The following DENND1C variants were observed in gnomAD, a reference collection of about 807,000 sequenced individuals.
The protein encoded by DENND1C is DENN domain-containing protein 1C.
Under a neutral mutation model 87.9 loss-of-function variants are expected in DENND1C, and 64 were observed. That is an observed-to-expected ratio of 0.73 (90% CI 0.60 to 0.90). The LOEUF (loss-of-function observed/expected upper bound fraction) is 0.90, where lower values mean the gene tolerates loss of function less well. Among genes scored for constraint, DENND1C ranks in the 40% least tolerant of loss-of-function variants. The pLI is 0.00. For synonymous variants in DENND1C, 384 were observed against 424.4 expected, an observed-to-expected ratio of 0.90 and a Z score of 1.17; for missense variants, 980 against 1,037.0, an observed-to-expected ratio of 0.95 and a Z score of 0.76.
intron 4 of DENND1C, 33 bp from the exon 5 acceptor site, chr19:6,479,089 A>G: frequency 6.2e-7 from 1 of 1,612,840 alleles, no homozygotes; most frequent in East Asian, 2.2e-5. Flanking sequence ...AGAGACCTGG[A>G]CATCCCAGCT....
chr19:6,471,395 T>C lies in DENND1C; in HGVS notation c.1249+11A>G. 4 of 1,584,928 alleles carry C rather than the reference T, an allele frequency of 2.5e-6. No individual in the cohort carries two copies. The highest frequency in any genetic ancestry group is 3.4e-6 in the Non-Finnish European group (4 of 1,165,810). ...GTAGTGGGGGACCCAGGGGCTGGAC[T>C]CAGGGCTCACCTGAGGAGGCCCCGC... On this transcript the variant is annotated intron_variant, in intron 16 of 22. Transcript: ENST00000381480.
intron 3 of DENND1C, 58 bp downstream of exon 3, chr19:6,479,801 C>A: frequency 1.2e-6 from 2 of 1,613,768 alleles, no homozygotes; most frequent in South Asian, 1.1e-5. Context: ...GAAACCAAGT[C>A]CCCTCCCCCT....
At position 6,475,364 on chromosome 19, in the gene DENND1C, G is replaced by A. The variant is rs750400088; in HGVS notation, c.963C>T (p.Ala321=). 5.6e-6 allele frequency: 9 copies of A among 1,612,254 alleles called. No individual in the cohort carries two copies. In the African/African-American group the frequency reaches 6.7e-5, roughly 12 times the overall value. The change falls in exon 14 of 23, where the codon GCC becomes GCT. Residue 321 remains alanine (A), a synonymous_variant. Coordinates refer to ENST00000381480, the MANE Select transcript of DENND1C (RefSeq NM_024898.4). Reference sequence around the variant, plus strand: ...GGGACACCCCTTCCCCGGGGGCCAGGGCGACCTTCCTGAGCCGGAGCCTCA... The same window carrying A: ...GGGACACCCCTTCCCCGGGGGCCAGAGCGACCTTCCTGAGCCGGAGCCTCA... ...SLLRLRLRKV[A]LAPGEGVSRL...
In DENND1C at chr19:6,467,537, T is replaced by A; in HGVS notation, c.2373A>T (p.Arg791Ser). 1 of 1,608,936 alleles carries A rather than the reference T, an allele frequency of 6.2e-7. No individual in the cohort carries two copies. Among genetic ancestry groups the A allele is most frequent in the Non-Finnish European group, 8.5e-7 (1 of 1,178,118 alleles). Residue 791 changes from arginine to serine, a missense_variant, in exon 23 of 23, where the codon AGA becomes AGT. Coordinates refer to ENST00000381480, the MANE Select transcript of DENND1C (RefSeq NM_024898.4). ...CAAAGCACTTCTTAAGATCAGCGAC[T>A]CTGGGCCGGCTGCTGGGCTGGGACT... ...CQKSQPSSRPRVADLKKCFEG is the reference protein window; with the variant it reads ...CQKSQPSSRPSVADLKKCFEG
intron 18 of DENND1C, 61 bp from the exon 19 acceptor site, chr19:6,469,701 C>T: frequency 6.5e-7 from 1 of 1,548,514 alleles, no homozygotes; most frequent in South Asian, 1.2e-5. Context: ...TTTGAGAGCT[C>T]AGCCTTCTGT....
rs1000878555 is a variant in DENND1C at position 6,468,890 on chromosome 19, C to G, written c.1471G>C (p.Asp491His). ...ATTGGGAGGCGTTGCTGCAGGCGGT[C>G]TGAGCGGCTGGGGAGGGCTGGGGCC... ...LRAPALPSRS[D>H]RLQQRLPITQ... Residue 491 changes from aspartate (D) to histidine (H), a missense_variant, in exon 20 of 23, where the codon GAC (aspartate) becomes CAC (histidine). Transcript: ENST00000381480. 2.7e-6 allele frequency: 4 copies of G among 1,504,306 alleles called. No homozygotes were observed. The highest frequency in any genetic ancestry group is 2.7e-6 in the Non-Finnish European group (3 of 1,131,938). 93.2% of individuals were successfully genotyped at this position (1,504,306 alleles called of 1,614,324 possible). A position where few individuals can be genotyped will look rare whatever the true frequency, so the allele number is the denominator to read the frequency against.
chr19:6,475,156 CAA>C, intron 14 of DENND1C, 116 bp downstream of exon 14: 1 of 1,528,552 alleles, frequency 6.5e-7, no homozygotes, highest in Non-Finnish European at 8.9e-7. Flanking sequence ...CTCGGCATCC[CAA>C]AGTGTTGGGA....
At position 6,475,305 on chromosome 19, in the gene DENND1C, C is replaced by A. The variant is rs749763600; in HGVS notation, c.1022G>T (p.Gly341Val). 1 of 1,613,408 alleles carries A rather than the reference C, an allele frequency of 6.2e-7. No homozygotes were observed. Among genetic ancestry groups the A allele is most frequent in the Non-Finnish European group, 8.5e-7 (1 of 1,179,844 alleles). ...GCAGACGAGTGCGTCGCGGTACCCC[C>A]CGAAGAGCAGGGCCTGGGCTTTGAG... ...LFLKAQALLF[G>V]GYRDALVCSP... The change falls in exon 14 of 23, where the codon GGG becomes GTG. Residue 341 changes from glycine to valine, a missense_variant. By Grantham distance (109) the Gly-to-Val change is moderately radical. Transcript: ENST00000381480.
At position 6,479,032 on chromosome 19, in the gene DENND1C, C is replaced by T; in HGVS notation, c.201G>A (p.Gln67=). The change falls in exon 5 of 23, where the codon CAG becomes CAA. Residue 67 remains glutamine (Q), a synonymous_variant. Coordinates refer to ENST00000381480, the MANE Select transcript of DENND1C (RefSeq NM_024898.4). ...GGTCTGTGAGGGCGAAGGTGAAATG[C>T]TGCACGGCGGGGCTGGGGGGCTCCC... ...VEREPPSPAV[Q]HFTFALTDLA... The T allele has an allele frequency of 6.2e-7, 1 of 1,613,880 alleles. No individual in the cohort carries two copies. The highest frequency in any genetic ancestry group is 2.2e-5 in the East Asian group (1 of 44,876).
At chr19:6,470,500 C>CAT in intron 17 of DENND1C, 134 bp from the exon 18 acceptor site, 1 of 813,898 alleles carries the variant, frequency 1.2e-6, no homozygotes, top group Non-Finnish European at 2.0e-6. Flanking sequence ...TGAACATGAT[C>CAT]GTAGTCATGA....
rs778583600 is a variant in DENND1C, at chr19:6,472,961, G to C, written c.1086C>G (p.Phe362Leu). Residue 362 changes from phenylalanine to leucine, a missense_variant, in exon 15 of 23, where the codon TTC becomes TTG. Phe to Leu is a conservative substitution (Grantham distance 22). Coordinates refer to ENST00000381480, the MANE Select transcript of DENND1C (RefSeq NM_024898.4). ...GQPVTFSEEV[F>L]LAQKPGAPLQ... The stretch of plus-strand genomic sequence containing the variant: ...GAGGTGCCCCAGGCTTCTGGGCCAA[G>C]AAGACTTCCTCACTGAAGGTCACTG... 1.3e-6 allele frequency: 2 copies of C among 1,586,510 alleles called. No homozygotes were observed. Among genetic ancestry groups the C allele is most frequent in the South Asian group, 2.3e-5 (2 of 86,452 alleles).
intron 14 of DENND1C, 126 bp from the exon 15 acceptor site, chr19:6,473,119 T>C (rs966352743): frequency 1.5e-5 from 9 of 619,622 alleles, no homozygotes; most frequent in African/African-American, 5.7e-5. Flanking sequence ...TGGGGCCTCA[T>C]GGATGGCAGG....
chr19:6,468,499 T>C, intron 21 of DENND1C, 58 bp from the exon 22 acceptor site: 1 of 1,570,254 alleles, frequency 6.4e-7, no homozygotes, highest in Non-Finnish European at 8.6e-7. Flanking sequence ...CTGGTCAGGC[T>C]GCTCTGGAGT....
At chr19:6,478,093 G>A (rs1414998643) in intron 6 of DENND1C, among the ~76,000 whole-genome samples, 1 of 151,472 alleles carries the variant, frequency 6.6e-6, no homozygotes, top group East Asian at 2.0e-4. Flanking sequence ...TTTTTTTCTT[G>A]AGACAGGGTC....
At chr19:6,473,804 C>CG (rs1040481910) in intron 14 of DENND1C, among the ~76,000 whole-genome samples, 29 of 6,746 alleles carry the variant, frequency 4.3e-3, no homozygotes, top group South Asian at 9.3e-3. Context: ...GGGGTGTGGG[C>CG]GGGGGGGTGG....
In DENND1C at chr19:6,470,620, G is replaced by GTTTTTTT. The variant is rs35687922; in HGVS notation, c.1291-261_1291-255dup. 2.3e-4 allele frequency among the ~76,000 whole-genome samples: 26 copies of GTTTTTTT among 114,786 alleles called. 2 individuals carry two copies. The highest frequency in any genetic ancestry group is 2.8e-4 in the Non-Finnish European group (16 of 57,774). The allele number at this position is 114,786 out of a possible 152,430, so 75.3% of individuals were successfully genotyped here. ...GAGTCTCAAAGAACAGTTTTTTTTT[G>GTTTTTTT]TTTTTTTTTTTTTTTTGCTGAGATG... On this transcript the variant is annotated intron_variant, in intron 17 of 22. Coordinates refer to ENST00000381480, the MANE Select transcript of DENND1C (RefSeq NM_024898.4).
chr19:6,476,008 T>G, intron 10 of DENND1C, 71 bp from the exon 11 acceptor site: 2 of 1,337,748 alleles, frequency 1.5e-6, no homozygotes, highest in South Asian at 2.7e-5. Flanking sequence ...CAGCTGCATT[T>G]CCCACGTCCC....
chr19:6,476,265 A>C (rs994409576), intron 10 of DENND1C: 59 of 328,512 alleles, frequency 1.8e-4, no homozygotes, highest in African/African-American at 1.3e-3. Flanking sequence ...AGGTGGAGCT[A>C]TGACGTAGAC....
At chr19:6,478,033 C>G (rs553980251) in intron 6 of DENND1C, among the ~76,000 whole-genome samples, 1 of 151,870 alleles carries the variant, frequency 6.6e-6, no homozygotes, top group East Asian at 2.0e-4. Flanking sequence ...CGGAATCGCA[C>G]CACCGCACTC....
Sources: gnomAD v4.1 joint callset for allele counts (sites outside exome capture counted in the v4.1 genomes callset) on GRCh38, gnomAD v4.1.1 for gene constraint, MANE v1.5 for transcripts, NCBI Gene and HGNC (gene_info 2026-07-23, HGNC 2026-07-21) for gene names.